ANKS1B: variants seen among roughly 807,000 people sequenced by gnomAD.
The protein encoded by ANKS1B is ankyrin repeat and sterile alpha motif domain-containing protein 1B.
A neutral mutation model predicts 148.3 loss-of-function variants in ANKS1B; 36 were observed. That is an observed-to-expected ratio of 0.24 (90% CI 0.19 to 0.32). The LOEUF (loss-of-function observed/expected upper bound fraction) is 0.32. Among genes scored for constraint, ANKS1B ranks in the 10% least tolerant of loss-of-function variants. ANKS1B has a pLI of 1.00. For synonymous variants in ANKS1B, 542 were observed against 560.8 expected (o/e 0.97, Z 0.47); for missense variants, 1,157 against 1,542.6 (o/e 0.75, Z 4.19).
Position 99,756,653 on chromosome 12 carries a change from A to G in ANKS1B, c.1128+16269T>C, listed in dbSNP as rs368831681. Among the ~76,000 whole-genome samples the G allele has an allele frequency of 3.9e-5, 6 of 152,304 alleles. No homozygotes were observed. In the East Asian group the frequency reaches 5.8e-4, roughly 15 times the overall value. ...AAGCAAAAAGAACAAAGCTGGAGGCATCATGCTACCCAATTTCAAACTATA... is the reference window on the plus strand; with the variant it reads ...AAGCAAAAAGAACAAAGCTGGAGGCGTCATGCTACCCAATTTCAAACTATA... On this transcript the variant is annotated intron_variant, in intron 8 of 26. Transcript: ENST00000683438.
intron 14 of ANKS1B, among the ~76,000 whole-genome samples, chr12:99,224,814 A>C (rs2638572): frequency 0.85 from 129,221 of 152,110 alleles, 55,452 homozygotes; most frequent in East Asian, 1. Flanking sequence ...GCGAAAAACC[A>C]GGGCCTTTAA....
intron 9 of ANKS1B, among the ~76,000 whole-genome samples, chr12:99,507,479 G>T (rs575886176): frequency 6.6e-6 from 1 of 152,008 alleles, no homozygotes; most frequent in Non-Finnish European, 1.5e-5. Context: ...AGCATGCTGA[G>T]ATAACTGAGG....
At chr12:99,438,939 T>C (rs532256592) in intron 11 of ANKS1B, among the ~76,000 whole-genome samples, 3 of 151,818 alleles carry the variant, frequency 2.0e-5, no homozygotes, top group Admixed American at 2.0e-4. Context: ...TATTATAAGA[T>C]GACATAAAAG....
chr12:98,994,515 G>A (rs955590634), intron 17 of ANKS1B, among the ~76,000 whole-genome samples: 2 of 152,172 alleles, frequency 1.3e-5, no homozygotes, highest in Non-Finnish European at 2.9e-5. Context: ...TACTCGGAAG[G>A]CTGAGGCAGG....
At chr12:99,094,509 C>T (rs569728279) in intron 15 of ANKS1B, among the ~76,000 whole-genome samples, 19 of 152,210 alleles carry the variant, frequency 1.2e-4, no homozygotes, top group African/African-American at 4.3e-4. Flanking sequence ...TAAATAACAA[C>T]GGAGATCTAT....
intron 16 of ANKS1B, among the ~76,000 whole-genome samples, chr12:99,053,984 C>T (rs1156995530): frequency 6.6e-6 from 1 of 152,170 alleles, no homozygotes; most frequent in Non-Finnish European, 1.5e-5. Flanking sequence ...AGAAATGTGA[C>T]AGCAACATAA....
At chr12:99,327,273 T>A (rs1211201170) in intron 12 of ANKS1B, among the ~76,000 whole-genome samples, 9 of 114,874 alleles carry the variant, frequency 7.8e-5, no homozygotes, top group African/African-American at 2.4e-4. Flanking sequence ...ATAATTATAA[T>A]TTATTATAAT....
intron 12 of ANKS1B, among the ~76,000 whole-genome samples, chr12:99,324,061 T>A (rs1023390820): frequency 2.0e-5 from 3 of 152,200 alleles, no homozygotes; most frequent in Non-Finnish European, 4.4e-5. Context: ...CTTAACTTTA[T>A]GCCATTCCCA....
chr12:98,901,337 G>GCTCA (rs2099771688), intron 17 of ANKS1B, among the ~76,000 whole-genome samples: 1 of 152,162 alleles, frequency 6.6e-6, no homozygotes. Flanking sequence ...CTTCAATGAG[G>GCTCA]CTCACATGTA....
At chr12:98,790,323 T>C (rs2098836850) in intron 22 of ANKS1B, among the ~76,000 whole-genome samples, 1 of 152,196 alleles carries the variant, frequency 6.6e-6, no homozygotes, top group South Asian at 2.1e-4. Context: ...CATTCCTTCC[T>C]TGCGGCGTGG....
intron 11 of ANKS1B, among the ~76,000 whole-genome samples, chr12:99,439,749 A>G (rs1230912798): frequency 6.6e-6 from 1 of 151,728 alleles, no homozygotes; most frequent in Non-Finnish European, 1.5e-5. Flanking sequence ...CTTTTTATAA[A>G]GTTAGCTATT....
chr12:99,541,689 T>C (rs1003887933), intron 9 of ANKS1B, among the ~76,000 whole-genome samples: 3 of 151,948 alleles, frequency 2.0e-5, no homozygotes, highest in Non-Finnish European at 2.9e-5. Context: ...ACCCCATCTC[T>C]ACTAAAAATA....
rs71436968 is a variant in ANKS1B, at chr12:99,850,281, G to GTCTCTCTCTCTCTCTC, written c.135-24908_135-24893dup. 9.5e-4 allele frequency among the ~76,000 whole-genome samples: 108 copies of GTCTCTCTCTCTCTCTC among 114,226 alleles called. 3 individuals are homozygous for GTCTCTCTCTCTCTCTC. The highest frequency in any genetic ancestry group is 3.7e-3 in the African/African-American group (104 of 27,804). The allele number at this position is 114,226 out of a possible 152,430, so 74.9% of individuals were successfully genotyped here. ...TTGAGAAAACAGCAGAAGCAAGAAA[G>GTCTCTCTCTCTCTCTC]TCTCTCTCTCTCTCTCTCTCTCTCT... On this transcript the variant is annotated intron_variant, in intron 1 of 26. Coordinates refer to ENST00000683438, the MANE Select transcript of ANKS1B (RefSeq NM_001352186.2).
intron 15 of ANKS1B, among the ~76,000 whole-genome samples, chr12:99,117,913 G>A (rs965816270): frequency 6.6e-6 from 1 of 152,042 alleles, no homozygotes; most frequent in Non-Finnish European, 1.5e-5. Flanking sequence ...ACTTCTTCCT[G>A]GTTTAGTCTT....
At chr12:99,213,187 AT>A (rs1352171836) in intron 14 of ANKS1B, among the ~76,000 whole-genome samples, 1 of 152,180 alleles carries the variant, frequency 6.6e-6, no homozygotes, top group Non-Finnish European at 1.5e-5. Context: ...GTCTAACAGG[AT>A]TTTTGATGGC....
rs538042406 is a variant in ANKS1B at position 99,806,612 on chromosome 12, G to A, written c.461C>T (p.Pro154Leu). 3.1e-6 allele frequency: 5 copies of A among 1,613,904 alleles called. No homozygotes were observed. Among genetic ancestry groups the A allele is most frequent in the East Asian group, 2.2e-5 (1 of 44,872 alleles). ...TTCCAGCTTGCTATTTCTAATTGTC[G>A]GGTCAGTGAGCTCTTCTAGGAGAAC... ...VAVLLEELTDPTIRNSKLETP... is the reference protein window; with the variant it reads ...VAVLLEELTDLTIRNSKLETP... Residue 154 changes from proline (P) to leucine (L), a missense_variant, in exon 4 of 27, where the codon CCG becomes CTG. Pro to Leu is a moderately conservative substitution (Grantham distance 98). Transcript: ENST00000683438.
intron 11 of ANKS1B, among the ~76,000 whole-genome samples, chr12:99,426,517 C>T (rs914772127): frequency 4.6e-5 from 7 of 152,098 alleles, no homozygotes; most frequent in African/African-American, 1.7e-4. Context: ...TCAGTTATTC[C>T]TGTGTCCATT....
At chr12:99,468,363 C>G (rs2096171332) in intron 10 of ANKS1B, among the ~76,000 whole-genome samples, 1 of 152,200 alleles carries the variant, frequency 6.6e-6, no homozygotes, top group Non-Finnish European at 1.5e-5. Flanking sequence ...CATTACCATT[C>G]AGGACATAGG....
intron 17 of ANKS1B, among the ~76,000 whole-genome samples, chr12:99,037,882 T>A (rs2153479696): frequency 6.6e-6 from 1 of 152,196 alleles, no homozygotes; most frequent in East Asian, 1.9e-4. Context: ...GATGCTGTCT[T>A]AAGGATGTAG....
Sources: gnomAD v4.1 joint callset for allele counts (sites outside exome capture counted in the v4.1 genomes callset) on GRCh38, gnomAD v4.1.1 for gene constraint, MANE v1.5 for transcripts, NCBI Gene and HGNC (gene_info 2026-07-23, HGNC 2026-07-21) for gene names.